Variants in AGBL1 observed in about 807,000 individuals in gnomAD.
The protein encoded by AGBL1 is AGBL carboxypeptidase 1.
AGBL1 carries 130 observed loss-of-function variants against 118.9 expected under a neutral mutation model. That is an observed-to-expected ratio of 1.09 (90% confidence interval 0.95 to 1.26). The LOEUF (loss-of-function observed/expected upper bound fraction) is 1.26, where lower values mean the gene tolerates loss of function less well. AGBL1 is among the 50% of genes most tolerant of loss of function. AGBL1 has a pLI of 0.00. For missense variants in AGBL1, 1,584 were observed against 1,298.1 expected, an observed-to-expected ratio of 1.22 and a Z score of -3.38; for synonymous variants, 555 against 478.9, an observed-to-expected ratio of 1.16 and a Z score of -2.08.
intron 17 of AGBL1, among the ~76,000 whole-genome samples, chr15:86,364,594 C>T (rs2080851575): frequency 6.6e-6 from 1 of 152,050 alleles, no homozygotes; most frequent in Admixed American, 6.5e-5. Context: ...TTCCTACAGA[C>T]TCTTTACTGA....
At chr15:86,247,206 T>G (rs185150810) in intron 6 of AGBL1, among the ~76,000 whole-genome samples, 1 of 152,370 alleles carries the variant, frequency 6.6e-6, no homozygotes, top group Non-Finnish European at 1.5e-5. Context: ...AAAAATTGTT[T>G]GCTGGCCCAA....
intron 22 of AGBL1, among the ~76,000 whole-genome samples, chr15:86,816,383 T>G (rs1371637774): frequency 6.6e-6 from 1 of 152,224 alleles, no homozygotes; most frequent in Non-Finnish European, 1.5e-5. Context: ...CACCCGGCTA[T>G]TTCCTTTCAG....
chr15:86,928,733 T>A (rs1441479674), intron 23 of AGBL1, among the ~76,000 whole-genome samples: 5 of 152,202 alleles, frequency 3.3e-5, no homozygotes, highest in African/African-American at 1.2e-4. Context: ...CTAACTACAA[T>A]GTTTCTGGCA....
rs1419108198 is a variant in AGBL1 at position 86,279,582 on chromosome 15, C to T, written c.2076-57C>T. 3.2e-6 allele frequency: 5 copies of T among 1,552,810 alleles called. No individual in the cohort carries two copies. In the African/African-American group the frequency reaches 4.1e-5, roughly 13 times the overall value. On this transcript the variant is annotated intron_variant, in intron 15 of 22. Coordinates refer to ENST00000614907, the MANE Select transcript of AGBL1 (RefSeq NM_001386094.1). The stretch of plus-strand genomic sequence containing the variant: ...ATAGCATCTAGGACCCTAAATGACC[C>T]TGCACCCCCCTCCCACCTCTCCCTT...
At chr15:86,474,812 G>T (rs901331693) in intron 18 of AGBL1, among the ~76,000 whole-genome samples, 1 of 151,568 alleles carries the variant, frequency 6.6e-6, no homozygotes, top group African/African-American at 2.4e-5. Context: ...TAGCCTAACT[G>T]GGAGGCACCC....
chr15:86,365,001 A>ATT (rs1268371067), intron 17 of AGBL1, among the ~76,000 whole-genome samples: 1 of 131,972 alleles, frequency 7.6e-6, no homozygotes, highest in Non-Finnish European at 1.6e-5. Flanking sequence ...ACACACACAT[A>ATT]TATATATACA....
At chr15:86,103,044 C>T (rs1324427780) in intron 1 of AGBL1, among the ~76,000 whole-genome samples, 4 of 152,034 alleles carry the variant, frequency 2.6e-5, no homozygotes, top group South Asian at 2.1e-4. Flanking sequence ...TTTCCAAAGA[C>T]CTGTTTTCAA....
chr15:86,409,351 G>A (rs1382010678), intron 18 of AGBL1, among the ~76,000 whole-genome samples: 2 of 152,084 alleles, frequency 1.3e-5, no homozygotes, highest in Non-Finnish European at 2.9e-5. Flanking sequence ...ATTTGCTCTG[G>A]GAACTCTTAA....
intron 18 of AGBL1, among the ~76,000 whole-genome samples, chr15:86,398,534 T>A (rs2081400562): frequency 6.6e-6 from 1 of 151,436 alleles, no homozygotes; most frequent in African/African-American, 2.4e-5. Flanking sequence ...AAAAAGAAGT[T>A]TAGAAAACTA....
intron 22 of AGBL1, among the ~76,000 whole-genome samples, chr15:86,847,545 T>C (rs991066853): frequency 1.3e-5 from 2 of 152,222 alleles, no homozygotes. Flanking sequence ...GTTTTATTCA[T>C]GGATTTTTAA....
At chr15:86,545,962 C>T (rs749622366) in intron 19 of AGBL1, 40 bp from the exon 20 acceptor site, 1 of 1,598,980 alleles carries the variant, frequency 6.3e-7, no homozygotes, top group Non-Finnish European at 8.6e-7. Context: ...AACCAATGAC[C>T]TGACCTGGTT....
rs990230787 is a variant in AGBL1, at chr15:86,131,567, A to G, written c.52-10437A>G. ...TTTCCTTATCGTTATGATAAGAATAATGATATCTAAATTTTAGGATGAGAA... is the reference window on the plus strand; with the variant it reads ...TTTCCTTATCGTTATGATAAGAATAGTGATATCTAAATTTTAGGATGAGAA... On this transcript the variant is annotated intron_variant, in intron 1 of 22. Transcript: ENST00000614907. Among the ~76,000 whole-genome samples the G allele has an allele frequency of 1.4e-4, 22 of 152,186 alleles. 1 individual carries two copies. Among genetic ancestry groups the G allele is most frequent in the African/African-American group, 5.3e-4 (22 of 41,448 alleles).
At position 86,142,019 on chromosome 15, in the gene AGBL1, G is replaced by A. The variant is rs919419092; in HGVS notation, c.67G>A (p.Glu23Lys). 1 of 1,550,008 alleles carries A rather than the reference G, an allele frequency of 6.5e-7. No homozygotes were observed. Among genetic ancestry groups the A allele is most frequent in the South Asian group, 1.2e-5 (1 of 83,918 alleles). ...LHTLQSSSDK[E>K]SILTILKVLG... is the part of the protein sequence containing the mutation. ...CTCATTGCAGAGCTCCTCTGACAAG[G>A]AGTCCATCCTGACCATCCTCAAGGT... is the stretch of plus-strand genomic sequence containing the variant. Residue 23 changes from glutamate (E) to lysine (K), a missense_variant, in exon 2 of 23, where the codon GAG becomes AAG. Coordinates refer to ENST00000614907, the MANE Select transcript of AGBL1 (RefSeq NM_001386094.1).
At chr15:86,788,125 G>A (rs907670966) in intron 22 of AGBL1, among the ~76,000 whole-genome samples, 9 of 152,208 alleles carry the variant, frequency 5.9e-5, no homozygotes, top group African/African-American at 2.2e-4. Flanking sequence ...ACAGGATCTA[G>A]AAGTTGATGG....
At chr15:86,315,431 G>T (rs756374472) in intron 17 of AGBL1, among the ~76,000 whole-genome samples, 2 of 151,986 alleles carry the variant, frequency 1.3e-5, no homozygotes, top group Non-Finnish European at 2.9e-5. Context: ...TAAAAAATTC[G>T]TGGGGCCGGG....
chr15:86,787,402 C>T (rs1006402157), intron 22 of AGBL1, among the ~76,000 whole-genome samples: 1 of 152,102 alleles, frequency 6.6e-6, no homozygotes, highest in Non-Finnish European at 1.5e-5. Flanking sequence ...AATTTGTACC[C>T]TTAAATCTAT....
At chr15:86,453,393 T>C (rs2082220420) in intron 18 of AGBL1, among the ~76,000 whole-genome samples, 1 of 152,180 alleles carries the variant, frequency 6.6e-6, no homozygotes, top group African/African-American at 2.4e-5. Context: ...GGCACAATGG[T>C]ATTAATAATA....
chr15:86,681,767 T>G (rs1216165580), intron 22 of AGBL1, among the ~76,000 whole-genome samples: 2 of 152,184 alleles, frequency 1.3e-5, no homozygotes, highest in Non-Finnish European at 2.9e-5. Flanking sequence ...GTGCTTTCTC[T>G]TCAAGAATTC....
At chr15:86,848,529 T>A (rs1038477545) in intron 22 of AGBL1, among the ~76,000 whole-genome samples, 1 of 152,222 alleles carries the variant, frequency 6.6e-6, no homozygotes, top group African/African-American at 2.4e-5. Flanking sequence ...TGGTTACTTA[T>A]ACCCCTTTAT....
Sources: allele counts gnomAD v4.1 joint callset (sites outside exome capture counted in the v4.1 genomes callset), GRCh38; gene constraint gnomAD v4.1.1; transcripts MANE v1.5; gene names NCBI Gene and HGNC (gene_info 2026-07-23, HGNC 2026-07-21).